MASP1: variants seen among roughly 807,000 people sequenced by gnomAD.
The protein encoded by MASP1 is MBL associated serine protease 1.
A neutral mutation model predicts 77.1 loss-of-function variants in MASP1; 59 were observed. That is an observed-to-expected ratio of 0.77 (90% CI 0.62 to 0.95). The LOEUF (loss-of-function observed/expected upper bound fraction) is 0.95. Among genes scored for constraint, MASP1 ranks in the 40% least tolerant of loss-of-function variants. The probability of loss-of-function intolerance (pLI) is 0.00; values close to 1 mark genes in which losing one functional copy is unlikely to be tolerated. For synonymous variants in MASP1, 362 were observed against 354.5 expected, an observed-to-expected ratio of 1.02 and a Z score of -0.24; for missense variants, 885 against 912.9, an observed-to-expected ratio of 0.97 and a Z score of 0.39.
chr3:187,284,697 A>G (rs1717706518), intron 2 of MASP1, among the ~76,000 whole-genome samples: 1 of 152,226 alleles, frequency 6.6e-6, no homozygotes, highest in East Asian at 1.9e-4. Context: ...TGTGATTCAA[A>G]AACACAAGGC....
chr3:187,239,571 T>A (rs530273379), intron 10 of MASP1, among the ~76,000 whole-genome samples: 6 of 152,300 alleles, frequency 3.9e-5, no homozygotes, highest in Non-Finnish European at 8.8e-5. Flanking sequence ...TCCCTAGCTT[T>A]TTTTTGCTCA....
At position 187,236,568 on chromosome 3, in the gene MASP1, C is replaced by G; in HGVS notation, c.1304-1G>C. The G allele has an allele frequency of 6.2e-7, 1 of 1,613,866 alleles. No individual in the cohort carries two copies. The highest frequency in any genetic ancestry group is 8.5e-7 in the Non-Finnish European group (1 of 1,179,948). On this transcript the variant is annotated splice_acceptor_variant, in intron 10 of 10. Transcript: ENST00000296280. LOFTEE classifies it high-confidence loss of function. ...AGGGAGCGGGAGGGCTGACCACACT[C>G]TGTAAGGAGAAAGAGGGAGCAGGGA...
At chr3:187,291,587 C>T (rs780364378) in intron 1 of MASP1, 41 bp downstream of exon 1, 3 of 1,613,856 alleles carry the variant, frequency 1.9e-6, no homozygotes, top group African/African-American at 1.3e-5. Flanking sequence ...TGACACTGGT[C>T]CCCAAAAGGG....
chr3:187,253,942 C>T (rs1164358403), intron 5 of MASP1, among the ~76,000 whole-genome samples: 1 of 151,900 alleles, frequency 6.6e-6, no homozygotes, highest in East Asian at 1.9e-4. Flanking sequence ...ACCACCGTGG[C>T]ACATGTATAC....
chr3:187,256,441 T>A (rs746391599), intron 5 of MASP1: 12 of 592,822 alleles, frequency 2.0e-5, no homozygotes, highest in African/African-American at 9.3e-5. Flanking sequence ...ACGACTCTCC[T>A]CCTCAAGCCA....
intron 14 of MASP1, chr3:187,223,031 C>A (rs1712160700): frequency 1.8e-6 from 2 of 1,140,392 alleles, no homozygotes; most frequent in Non-Finnish European, 2.7e-6. Flanking sequence ...CCAACCCCCA[C>A]CCAAGCCTCA....
downstream of MASP1, chr3:187,229,848 A>G (rs1436521851): frequency 6.2e-7 from 1 of 1,614,150 alleles, no homozygotes; most frequent in East Asian, 2.2e-5. Context: ...CTGGGCGTCC[A>G]TTGAAGATCC....
intron 6 of MASP1, among the ~76,000 whole-genome samples, 195 bp from the exon 7 acceptor site, chr3:187,251,947 G>A (rs912704187): frequency 6.6e-6 from 1 of 152,234 alleles, no homozygotes; most frequent in Non-Finnish European, 1.5e-5. Flanking sequence ...GGACCACCAT[G>A]TCCTTACTTG....
chr3:187,281,929 G>A (rs1038804929), intron 2 of MASP1, among the ~76,000 whole-genome samples: 1 of 152,180 alleles, frequency 6.6e-6, no homozygotes, highest in Non-Finnish European at 1.5e-5. Flanking sequence ...ATATATGCTA[G>A]GGGCTAGCAT....
chr3:187,234,739 C>T lies in MASP1; in HGVS notation c.*945G>A. Reference sequence around the variant, plus strand: ...TTTCTTCCATTTTCCTGCCCAAAAGCACAGCAGGACACAGTGTGGGTCTTT... The same window carrying T: ...TTTCTTCCATTTTCCTGCCCAAAAGTACAGCAGGACACAGTGTGGGTCTTT... On this transcript the variant is annotated 3_prime_UTR_variant, in exon 11 of 11. Transcript: ENST00000296280. 1.6e-6 allele frequency: 2 copies of T among 1,287,278 alleles called. No homozygotes were observed. Among genetic ancestry groups the T allele is most frequent in the Non-Finnish European group, 2.0e-6 (2 of 988,712 alleles). The allele number at this position is 1,287,278 out of a possible 1,614,324, so 79.7% of individuals were successfully genotyped here.
chr3:187,221,751 G>A (rs552237401), intron 14 of MASP1, among the ~76,000 whole-genome samples: 4 of 152,272 alleles, frequency 2.6e-5, no homozygotes, highest in East Asian at 1.9e-4. Context: ...CATCTGTCTC[G>A]ATGCTGGATC....
chr3:187,262,230 T>C (rs999362145), intron 3 of MASP1, among the ~76,000 whole-genome samples: 11 of 152,148 alleles, frequency 7.2e-5, no homozygotes, highest in African/African-American at 2.7e-4. Context: ...TTTATGTCAA[T>C]TTTACACAAA....
intron 2 of MASP1, among the ~76,000 whole-genome samples, chr3:187,277,078 G>A (rs980401220): frequency 2.6e-5 from 4 of 152,194 alleles, no homozygotes; most frequent in African/African-American, 9.7e-5. Context: ...GGGAGTCACA[G>A]ACCATCAGAA....
intron 10 of MASP1, among the ~76,000 whole-genome samples, chr3:187,240,232 G>A (rs1297115542): frequency 1.3e-5 from 2 of 151,866 alleles, no homozygotes; most frequent in Non-Finnish European, 2.9e-5. Flanking sequence ...CCGTGTACTA[G>A]TATACCTTCT....
downstream of MASP1, among the ~76,000 whole-genome samples, chr3:187,233,684 G>A (rs2002665): frequency 0.27 from 40,828 of 152,190 alleles, 6,377 homozygotes; most frequent in East Asian, 0.67. Flanking sequence ...TGCTCTCAGC[G>A]TGTGGCACCA....
Position 187,234,898 on chromosome 3 carries a change from A to G in MASP1, c.*786T>C. 7.8e-7 allele frequency: 1 copy of G among 1,287,180 alleles called. No homozygotes were observed. The highest frequency in any genetic ancestry group is 1.2e-5 in the South Asian group (1 of 80,932). The allele number at this position is 1,287,180 out of a possible 1,614,324, so 79.7% of individuals were successfully genotyped here. A position where few individuals can be genotyped will look rare whatever the true frequency, so the allele number is the denominator to read the frequency against. ...AGCAGGTGTGGACGCCCATGGTGTC[A>G]GCTGGTGTTCCAGGGTGGCATATGG... On this transcript the variant is annotated 3_prime_UTR_variant, in exon 11 of 11. Coordinates refer to ENST00000296280, the MANE Select transcript of MASP1 (RefSeq NM_139125.4).
chr3:187,281,155 C>T (rs1717377993), intron 2 of MASP1, among the ~76,000 whole-genome samples: 1 of 152,234 alleles, frequency 6.6e-6, no homozygotes, highest in African/African-American at 2.4e-5. Flanking sequence ...CAGCCACATG[C>T]CAAGGAAGCA....
chr3:187,282,537 G>A (rs1441851792), intron 2 of MASP1, among the ~76,000 whole-genome samples: 2 of 144,674 alleles, frequency 1.4e-5, no homozygotes, highest in Non-Finnish European at 3.1e-5. Flanking sequence ...CGTGTACTGG[G>A]GAGAATATAT....
intron 8 of MASP1, among the ~76,000 whole-genome samples, chr3:187,248,309 G>T (rs1714273221): frequency 6.6e-6 from 1 of 152,176 alleles, no homozygotes; most frequent in South Asian, 2.1e-4. Context: ...CTAGTGAGGG[G>T]ATTGGGTTGG....
Sources: allele counts gnomAD v4.1 joint callset (sites outside exome capture counted in the v4.1 genomes callset), GRCh38; gene constraint gnomAD v4.1.1; transcripts MANE v1.5; gene names NCBI Gene and HGNC (gene_info 2026-07-23, HGNC 2026-07-21).